AADAT: variants seen among roughly 807,000 people sequenced by gnomAD.
AADAT encodes aminoadipate aminotransferase.
In AADAT, 25 loss-of-function variants were observed where a neutral mutation model predicts 56.2. That is an observed-to-expected ratio of 0.44 (90% CI 0.32 to 0.62). AADAT has a LOEUF of 0.62. AADAT is among the 20% of genes least tolerant of loss of function. The probability of loss-of-function intolerance (pLI) is 0.04; values close to 1 mark genes in which losing one functional copy is unlikely to be tolerated. For missense variants in AADAT, 387 were observed against 510.5 expected (o/e 0.76, Z 2.33); for synonymous variants, 173 against 164.7 (o/e 1.05, Z -0.39).
chr4:170,074,634 C>T (rs1040735880), intron 4 of AADAT, among the ~76,000 whole-genome samples: 11 of 152,020 alleles, frequency 7.2e-5, no homozygotes, highest in Admixed American at 5.9e-4. Flanking sequence ...GACCTGTAGG[C>T]CCCCTGTTAT....
rs114038917 is a variant in AADAT, at chr4:170,068,710, C to T, written c.804-23G>A. ...AACCTACGTGGAAAGAGAAAAGGCA[C>T]GATACCAATTCCATATTAACAATTA... On this transcript the variant is annotated intron_variant, in intron 7 of 12. Coordinates refer to ENST00000337664, the MANE Select transcript of AADAT (RefSeq NM_016228.4). 1,600 of 1,452,676 alleles carry T rather than the reference C, an allele frequency of 1.1e-3. 13 individuals are homozygous for T. The African/African-American group carries it at 0.02, about 18-fold the overall frequency. 90.0% of individuals were successfully genotyped at this position (1,452,676 alleles called of 1,614,324 possible).
chr4:170,082,019 G>A (rs1404155113), intron 3 of AADAT, among the ~76,000 whole-genome samples: 1 of 152,166 alleles, frequency 6.6e-6, no homozygotes, highest in African/African-American at 2.4e-5. Flanking sequence ...GCTAAAGGGA[G>A]TTCTCCAACC....
intron 12 of AADAT, 45 bp downstream of exon 12, chr4:170,061,847 C>A (rs1165407810): frequency 7.0e-7 from 1 of 1,427,174 alleles, no homozygotes; most frequent in Non-Finnish European, 9.7e-7. Flanking sequence ...ATTAAAAAAA[C>A]AGAACTGCTA....
chr4:170,081,664 T>C (rs1312764063), intron 3 of AADAT, among the ~76,000 whole-genome samples: 1 of 152,298 alleles, frequency 6.6e-6, no homozygotes, highest in East Asian at 1.9e-4. Context: ...ATTTTCAAAG[T>C]GCCCAAAGAA....
At chr4:170,075,072 ATAAAC>A (rs1731968541) in intron 4 of AADAT, among the ~76,000 whole-genome samples, 1 of 152,240 alleles carries the variant, frequency 6.6e-6, no homozygotes, top group African/African-American at 2.4e-5. Flanking sequence ...ATACTGGGCC[ATAAAC>A]TAAACACATA....
intron 4 of AADAT, among the ~76,000 whole-genome samples, chr4:170,076,257 A>G (rs1244664111): frequency 6.6e-6 from 1 of 152,070 alleles, no homozygotes; most frequent in Non-Finnish European, 1.5e-5. Flanking sequence ...TTTTTTTTAA[A>G]TAATAGCCAT....
intron 5 of AADAT, among the ~76,000 whole-genome samples, chr4:170,072,223 ATGTGTGTG>A (rs960518213): frequency 6.6e-6 from 1 of 150,966 alleles, no homozygotes; most frequent in Admixed American, 6.6e-5. Context: ...GTGTGTGTGT[ATGTGTGTG>A]TGTGTATACG....
At chr4:170,090,902 A>G (rs1275074534), upstream of AADAT, among the ~76,000 whole-genome samples, 1 of 152,236 alleles carries the variant, frequency 6.6e-6, no homozygotes, top group East Asian at 1.9e-4. Context: ...CTAGATGATT[A>G]TTGACTCACT....
chr4:170,094,055 A>G (rs900833734), upstream of AADAT, among the ~76,000 whole-genome samples: 1 of 152,194 alleles, frequency 6.6e-6, no homozygotes, highest in South Asian at 2.1e-4. Flanking sequence ...TGAATTTTCT[A>G]TTTGGCCTGT....
intron 3 of AADAT, among the ~76,000 whole-genome samples, chr4:170,084,402 C>T (rs1016858675): frequency 2.0e-5 from 3 of 152,124 alleles, no homozygotes; most frequent in East Asian, 3.9e-4. Flanking sequence ...GGGAGATCAA[C>T]GGAGTTAAAG....
upstream of AADAT, chr4:170,091,806 G>C (rs1020892129): frequency 2.0e-5 from 3 of 152,296 alleles, no homozygotes; most frequent in African/African-American, 7.2e-5. Context: ...TGGGCACTCT[G>C]TATCTAGCTA....
chr4:170,061,855 C>T, intron 12 of AADAT, 37 bp downstream of exon 12: 1 of 1,476,876 alleles, frequency 6.8e-7, no homozygotes, highest in Middle Eastern at 1.8e-4. Context: ...AACAGAACTG[C>T]TAGCTAGTGT....
At chr4:170,074,971 G>A (rs753748174) in intron 4 of AADAT, among the ~76,000 whole-genome samples, 2 of 152,042 alleles carry the variant, frequency 1.3e-5, no homozygotes, top group Admixed American at 6.5e-5. Context: ...GTAGAATTAC[G>A]CATAAAAAAA....
At chr4:170,067,615 T>C (rs931876664) in intron 8 of AADAT, among the ~76,000 whole-genome samples, 1 of 152,302 alleles carries the variant, frequency 6.6e-6, no homozygotes. Context: ...GCAGGCACTG[T>C]TGTAAGATAC....
rs182372466 is a variant in AADAT, at chr4:170,069,648, G to C, written c.721-418C>G. Among the ~76,000 whole-genome samples the C allele has an allele frequency of 9.9e-5, 15 of 152,196 alleles. No individual in the cohort carries two copies. In the East Asian group the frequency reaches 2.9e-3, roughly 29 times the overall value. The stretch of plus-strand genomic sequence containing the variant: ...TTCAGAGAGAGAACGCTGATCCTTA[G>C]GACCGACAGAAAGAAAAATGATGAG... On this transcript the variant is annotated intron_variant, in intron 6 of 12. Coordinates refer to ENST00000337664, the MANE Select transcript of AADAT (RefSeq NM_016228.4).
chr4:170,075,288 T>C (rs145367742), intron 4 of AADAT, among the ~76,000 whole-genome samples: 1 of 152,218 alleles, frequency 6.6e-6, no homozygotes, highest in East Asian at 1.9e-4. Context: ...AAAGTAATTA[T>C]TTTATTTTAG....
In AADAT at chr4:170,061,993, C is replaced by T; in HGVS notation, c.1135G>A (p.Val379Ile). ...AAAGCATTTCCAGGGAGCATTAATA[C>T]CTAAGAGAGTTTGTGGAAGATAAGT... ...LIEEKAVKMGVLMLPGNAFYV... is the reference protein window; with the variant it reads ...LIEEKAVKMGILMLPGNAFYV... The change falls in exon 12 of 13, where the codon GTA becomes ATA. Residue 379 changes from valine (V) to isoleucine (I), a missense_variant and splice_region_variant. Val to Ile is a conservative substitution (Grantham distance 29). Transcript: ENST00000337664. The T allele has an allele frequency of 6.2e-7, 1 of 1,606,506 alleles. No homozygotes were observed. The highest frequency in any genetic ancestry group is 1.1e-5 in the South Asian group (1 of 90,682).
intron 4 of AADAT, among the ~76,000 whole-genome samples, chr4:170,075,113 G>A (rs764048550): frequency 2.6e-5 from 4 of 152,122 alleles, no homozygotes; most frequent in African/African-American, 9.7e-5. Flanking sequence ...TTTCCTCAAA[G>A]CTTGGCATAC....
chr4:170,069,401 C>G lies in AADAT; in HGVS notation c.721-171G>C, dbSNP rs192726970. 3.2e-4 allele frequency among the ~76,000 whole-genome samples: 48 copies of G among 152,270 alleles called. No homozygotes were observed. The East Asian group carries it at 8.3e-3, about 26-fold the overall frequency. ...GGAATAACAAACAAAGATGCAGATTCTTTTATTAGCATCTGCTTGTCTTCA... is the reference window on the plus strand; with the variant it reads ...GGAATAACAAACAAAGATGCAGATTGTTTTATTAGCATCTGCTTGTCTTCA... On this transcript the variant is annotated intron_variant, in intron 6 of 12. Coordinates refer to ENST00000337664, the MANE Select transcript of AADAT (RefSeq NM_016228.4).
Sources: gnomAD v4.1 joint callset for allele counts (sites outside exome capture counted in the v4.1 genomes callset) on GRCh38, gnomAD v4.1.1 for gene constraint, MANE v1.5 for transcripts, NCBI Gene and HGNC (gene_info 2026-07-23, HGNC 2026-07-21) for gene names.